FHL1: variants seen among roughly 807,000 people sequenced by gnomAD.
FHL1 encodes four and a half LIM domains protein 1.
In FHL1, 1 loss-of-function variant was observed where a neutral mutation model predicts 20.3. The observed-to-expected ratio is 0.05, with a 90% CI of 0.02 to 0.23. The LOEUF is 0.23. Among genes scored for constraint, FHL1 ranks in the 10% least tolerant of loss-of-function variants. The pLI is 1.00. For synonymous variants in FHL1, 82 were observed against 88.9 expected, an observed-to-expected ratio of 0.92 and a Z score of 0.44; for missense variants, 177 against 234.0, an observed-to-expected ratio of 0.76 and a Z score of 1.59.
In FHL1 at chrX:136,208,489, A is replaced by G; in HGVS notation, c.584A>G (p.Gln195Arg). The G allele has an allele frequency of 1.7e-6, 2 of 1,211,890 alleles. No homozygotes were observed. Among genetic ancestry groups the G allele is most frequent in the Non-Finnish European group, 2.2e-6 (2 of 895,510 alleles). The change falls in exon 5 of 6, where the codon CAG becomes CGG. Residue 195 changes from glutamine to arginine, a missense_variant. Transcript: ENST00000370683. ...TCTGGAGGAATCACTTACCAGGATC[A>G]GCCCTGGCATGCCGATTGCTTTGTG... ...ITSGGITYQD[Q>R]PWHADCFVCV...
At chrX:136,202,497 C>T (rs1241079862) in intron 1 of FHL1, among the ~76,000 whole-genome samples, 3 of 112,085 alleles carry the variant, frequency 2.7e-5, no homozygotes, top group African/African-American at 9.7e-5. Flanking sequence ...CGGTGGCTCA[C>T]GCCTGTAAAA....
chrX:136,198,750 T>C (rs1053492256), intron 1 of FHL1, among the ~76,000 whole-genome samples: 3 of 112,033 alleles, frequency 2.7e-5, no homozygotes, highest in Non-Finnish European at 5.6e-5. Flanking sequence ...CATTGAAGAC[T>C]TTCTGTCTGC....
At chrX:136,156,288 T>A (rs569010459) in intron 1 of FHL1, among the ~76,000 whole-genome samples, 5 of 108,696 alleles carry the variant, frequency 4.6e-5, no homozygotes, top group South Asian at 8.1e-4. Context: ...ATAGCCTTTT[T>A]TTTTTTTTTT....
chrX:136,209,348 T>TC, intron 5 of FHL1: 1 of 1,210,925 alleles, frequency 8.3e-7, no homozygotes, highest in Non-Finnish European at 1.1e-6. Context: ...AGCGCCAACC[T>TC]CCGGGGCAGG....
chrX:136,209,965 C>A lies in FHL1; in HGVS notation c.831C>A (p.Asn277Lys). ...AAAAATGCTCCGTGAATCTGGCCAA[C>A]AAGCGCTTTGTTTTCCACCAGGAGC... ...HCKKCSVNLA[N>K]KRFVFHQEQV... The change falls in exon 6 of 6, where the codon AAC (asparagine) becomes AAA (lysine). Residue 277 changes from asparagine (N) to lysine (K), a missense_variant. Physicochemically the swap from Asn to Lys is moderately conservative, Grantham distance 94. Coordinates refer to ENST00000370683, the MANE Select transcript of FHL1 (RefSeq NM_001159699.2). 1.7e-6 allele frequency: 2 copies of A among 1,211,487 alleles called. No homozygotes were observed. Among genetic ancestry groups the A allele is most frequent in the Non-Finnish European group, 2.2e-6 (2 of 895,453 alleles).
intron 2 of FHL1, among the ~76,000 whole-genome samples, chrX:136,186,300 G>A (rs768792487): frequency 2.7e-5 from 3 of 111,251 alleles, no homozygotes; most frequent in Admixed American, 9.6e-5. Context: ...TTAGCTGAGG[G>A]TAACCTTCAT....
chrX:136,209,787 A>C (rs1012775757), intron 5 of FHL1, 84 bp from the exon 6 acceptor site: 66 of 1,071,571 alleles, frequency 6.2e-5, no homozygotes, highest in South Asian at 1.6e-4. Flanking sequence ...TCGTCATTTT[A>C]TCTCTCTGAA....
chrX:136,186,342 T>C (rs1453661231), intron 2 of FHL1, among the ~76,000 whole-genome samples: 2 of 111,433 alleles, frequency 1.8e-5, no homozygotes, highest in African/African-American at 6.5e-5. Context: ...GATGGCATCC[T>C]CTCTGCATGA....
In FHL1 at chrX:136,210,527, GC is replaced by G; in HGVS notation, c.*505del. On this transcript the variant is annotated 3_prime_UTR_variant, in exon 6 of 6. Transcript: ENST00000370683. The stretch of plus-strand genomic sequence containing the variant: ...GGTTTAACTTCCTCATCAGAACTCT[GC>G]CCTTCCTTCTGTTCTTTTGTGCTTT... The G allele has an allele frequency of 2.6e-6, 1 of 390,902 alleles. No homozygotes were observed. The highest frequency in any genetic ancestry group is 4.8e-6 in the Non-Finnish European group (1 of 207,840). The allele number at this position is 390,902 out of a possible 1,213,427, so 32.2% of individuals were successfully genotyped here. A position where few individuals can be genotyped will look rare whatever the true frequency, so the allele number is the denominator to read the frequency against.
At chrX:136,188,912 G>T in intron 2 of FHL1, among the ~76,000 whole-genome samples, 1 of 111,090 alleles carries the variant, frequency 9.0e-6, no homozygotes, top group African/African-American at 3.3e-5. Flanking sequence ...GATGAGATAG[G>T]GTCTTTTAGA....
chrX:136,159,834 G>T (rs1312270339), intron 1 of FHL1, among the ~76,000 whole-genome samples: 3 of 112,053 alleles, frequency 2.7e-5, no homozygotes, highest in Non-Finnish European at 5.6e-5. Flanking sequence ...CTACAACCCA[G>T]TGGGCCCTCT....
At chrX:136,157,522 A>G (rs746663172) in intron 1 of FHL1, among the ~76,000 whole-genome samples, 1 of 111,748 alleles carries the variant, frequency 8.9e-6, no homozygotes, top group Non-Finnish European at 1.9e-5. Context: ...CAATTTGATG[A>G]GTTTAGACAG....
chrX:136,185,477 C>T (rs930429673), intron 2 of FHL1, among the ~76,000 whole-genome samples: 12 of 111,822 alleles, frequency 1.1e-4, no homozygotes, highest in African/African-American at 3.9e-4. Flanking sequence ...AAACATCAGC[C>T]CCTTTTCTGA....
intron 1 of FHL1, among the ~76,000 whole-genome samples, chrX:136,154,792 C>T (rs1274821708): frequency 2.7e-5 from 3 of 110,119 alleles, no homozygotes; most frequent in Non-Finnish European, 5.7e-5. Context: ...CTGCAACCTC[C>T]GCCTCCTAGC....
chrX:136,168,435 C>A (rs756303757), upstream of FHL1: 44 of 111,362 alleles, frequency 4.0e-4, no homozygotes, highest in Admixed American at 4.1e-3. Context: ...TTTTACCGGA[C>A]AAAGAAAACC....
chrX:136,161,655 C>T (rs191344250), intron 1 of FHL1, among the ~76,000 whole-genome samples: 1 of 111,903 alleles, frequency 8.9e-6, no homozygotes, highest in East Asian at 2.8e-4. Flanking sequence ...AGCAGAGCTG[C>T]CCAGTTGCTG....
chrX:136,159,513 A>G (rs925439129), intron 1 of FHL1, among the ~76,000 whole-genome samples: 10 of 112,136 alleles, frequency 8.9e-5, no homozygotes, highest in East Asian at 2.8e-4. Context: ...CTGTACTCCA[A>G]CCTGGGAGAC....
intron 1 of FHL1, among the ~76,000 whole-genome samples, chrX:136,159,491 G>A (rs914152389): frequency 4.5e-5 from 5 of 112,095 alleles, no homozygotes; most frequent in African/African-American, 1.6e-4. Context: ...GCGGTGAACC[G>A]AGATCACGCC....
chrX:136,155,782 C>T (rs919579280), intron 1 of FHL1, among the ~76,000 whole-genome samples: 1 of 104,381 alleles, frequency 9.6e-6, no homozygotes, highest in Non-Finnish European at 2.0e-5. Flanking sequence ...ATAGGAAATA[C>T]CTGTGGACTG....
Sources: gnomAD v4.1 joint callset for allele counts (sites outside exome capture counted in the v4.1 genomes callset) on GRCh38, gnomAD v4.1.1 for gene constraint, MANE v1.5 for transcripts, NCBI Gene and HGNC (gene_info 2026-07-23, HGNC 2026-07-21) for gene names.